The following WASF1 variants were observed in gnomAD, a reference collection of about 807,000 sequenced individuals.
WASF1 encodes the protein WASP family member 1.
In WASF1, 7 loss-of-function variants were observed where a neutral mutation model predicts 50.5. The ratio of observed to expected loss-of-function variants is 0.14; its 90% confidence interval spans 0.08 to 0.26. The LOEUF (loss-of-function observed/expected upper bound fraction) is 0.26. Among genes scored for constraint, WASF1 ranks in the 10% least tolerant of loss-of-function variants. The pLI is 1.00. For synonymous variants in WASF1, 205 were observed against 244.0 expected, an observed-to-expected ratio of 0.84 and a Z score of 1.49; for missense variants, 470 against 694.7, an observed-to-expected ratio of 0.68 and a Z score of 3.64.
At chr6:110,124,272 C>A (rs867584831) in intron 4 of WASF1, among the ~76,000 whole-genome samples, 436 of 42,306 alleles carry the variant, frequency 0.01, 1 homozygote, top group Non-Finnish European at 0.013. Context: ...CTCTCTCTCT[C>A]TCTATATATA....
chr6:110,118,661 C>T (rs1208818028), intron 4 of WASF1, among the ~76,000 whole-genome samples: 1 of 152,108 alleles, frequency 6.6e-6, no homozygotes, highest in Non-Finnish European at 1.5e-5. Context: ...CAAAGATATC[C>T]AGGACTTGAA....
chr6:110,115,849 G>GT (rs1773780554), intron 4 of WASF1, among the ~76,000 whole-genome samples: 1 of 152,294 alleles, frequency 6.6e-6, no homozygotes, highest in East Asian at 1.9e-4. Context: ...ACCTCACAGG[G>GT]TTTTTAACAG....
intron 1 of WASF1, 96 bp downstream of exon 1, chr6:110,179,343 C>CCA (rs1259463716): frequency 6.6e-6 from 1 of 152,328 alleles, no homozygotes; most frequent in East Asian, 1.9e-4. Flanking sequence ...CCTTTGCGGG[C>CCA]CACACACCAC....
chr6:110,133,819 G>A lies in WASF1; in HGVS notation c.-28-6190C>T, dbSNP rs1308561470. ...GTGTGAAGATTTTCTCCTATTCTGT[G>A]GGTTGTCTGTTTACTTTGCTGCTGT... On this transcript the variant is annotated intron_variant, in intron 3 of 10. Coordinates refer to ENST00000392589, the MANE Select transcript of WASF1 (RefSeq NM_003931.3). Among the ~76,000 whole-genome samples, 3 of 151,844 alleles carry A rather than the reference G, an allele frequency of 2.0e-5. No homozygotes were observed. The East Asian group carries it at 5.8e-4, about 29-fold the overall frequency.
chr6:110,129,029 A>T (rs1774542998), intron 3 of WASF1, among the ~76,000 whole-genome samples: 1 of 151,968 alleles, frequency 6.6e-6, no homozygotes, highest in Non-Finnish European at 1.5e-5. Context: ...TCTTCCACGA[A>T]ACTAGTCCCT....
chr6:110,130,317 C>CA (rs1774606553), intron 3 of WASF1, among the ~76,000 whole-genome samples: 2 of 152,288 alleles, frequency 1.3e-5, no homozygotes, highest in South Asian at 4.2e-4. Context: ...AGAACCCGTC[C>CA]ACTTTGGTCC....
At position 110,140,826 on chromosome 6, in the gene WASF1, T is replaced by C. The variant is rs1048606714; in HGVS notation, c.-28-13197A>G. 1.8e-4 allele frequency among the ~76,000 whole-genome samples: 28 copies of C among 152,240 alleles called. 2 individuals carry two copies. Among genetic ancestry groups the C allele is most frequent in the African/African-American group, 5.8e-4 (24 of 41,526 alleles). On this transcript the variant is annotated intron_variant, in intron 3 of 10. Transcript: ENST00000392589. ...ATCAGATGAAATGAGGTGAATGACA[T>C]AGCTACTGTGACATAGTGTTAAGCT...
chr6:110,166,883 A>AT (rs1776499689), intron 2 of WASF1, among the ~76,000 whole-genome samples: 1 of 151,932 alleles, frequency 6.6e-6, no homozygotes, highest in South Asian at 2.1e-4. Flanking sequence ...AAAAATGTTT[A>AT]TTTTTTTGTG....
intron 4 of WASF1, among the ~76,000 whole-genome samples, chr6:110,117,695 C>T (rs1183774579): frequency 6.6e-6 from 1 of 151,882 alleles, no homozygotes; most frequent in Non-Finnish European, 1.5e-5. Context: ...AAGAGCAACC[C>T]CAAGACACAT....
intron 3 of WASF1, among the ~76,000 whole-genome samples, chr6:110,154,590 CCATT>C (rs770427268): frequency 1.3e-5 from 2 of 151,876 alleles, no homozygotes; most frequent in East Asian, 1.9e-4. Context: ...CACAATTTAC[CCATT>C]ATTATAAACA....
At chr6:110,105,706 G>A in intron 7 of WASF1, 127 bp from the exon 8 acceptor site, 1 of 891,618 alleles carries the variant, frequency 1.1e-6, no homozygotes, top group Non-Finnish European at 1.7e-6. Context: ...TATAGTAAAA[G>A]TAACACAGAA....
intron 3 of WASF1, among the ~76,000 whole-genome samples, chr6:110,149,484 TAAAAAAAAA>T (rs71729607): frequency 9.7e-6 from 1 of 103,278 alleles, no homozygotes. Flanking sequence ...GACTCTGTCT[TAAAAAAAAA>T]AAAAAAAAAG....
chr6:110,104,574 A>G (rs1773235316), intron 8 of WASF1, among the ~76,000 whole-genome samples: 1 of 152,136 alleles, frequency 6.6e-6, no homozygotes, highest in South Asian at 2.1e-4. Flanking sequence ...AGATCACTTG[A>G]GGTCATGAGT....
chr6:110,124,415 T>TA (rs1480981480), intron 4 of WASF1, among the ~76,000 whole-genome samples: 4 of 149,924 alleles, frequency 2.7e-5, no homozygotes, highest in Admixed American at 6.7e-5. Context: ...CATTCACTCT[T>TA]AGAGTATCTG....
intron 4 of WASF1, among the ~76,000 whole-genome samples, chr6:110,121,110 T>C (rs1294582595): frequency 2.0e-5 from 3 of 152,120 alleles, no homozygotes; most frequent in African/African-American, 7.2e-5. Context: ...GCAATACCAT[T>C]CAGGACATAG....
chr6:110,129,840 A>C (rs1774582296), intron 3 of WASF1, among the ~76,000 whole-genome samples: 1 of 152,202 alleles, frequency 6.6e-6, no homozygotes, highest in South Asian at 2.1e-4. Flanking sequence ...ACAATAGAAG[A>C]GGTTTTACTG....
chr6:110,165,356 A>T (rs1776430887), intron 2 of WASF1, among the ~76,000 whole-genome samples: 1 of 151,688 alleles, frequency 6.6e-6, no homozygotes, highest in Non-Finnish European at 1.5e-5. Context: ...AAATAAAAGT[A>T]TCTTAAAAAA....
At chr6:110,174,403 T>C (rs551862363) in intron 2 of WASF1, among the ~76,000 whole-genome samples, 3 of 152,306 alleles carry the variant, frequency 2.0e-5, no homozygotes, top group Admixed American at 1.3e-4. Context: ...GTGCTGATTA[T>C]GAACTATGAA....
Position 110,103,549 on chromosome 6 carries a change from G to A in WASF1, c.722C>T (p.Thr241Ile), listed in dbSNP as rs2114451236. ...AGATCCATCCATATGATCCACGTAT[G>A]TCTGAGGTCTAAAAGAAATATATAG... Reference protein sequence around the residue: ...PASHFETRPQTYVDHMDGSYS... With the variant: ...PASHFETRPQIYVDHMDGSYS... Residue 241 changes from threonine (T) to isoleucine (I), a missense_variant, in exon 9 of 11, where the codon ACA becomes ATA. This residue lies in a region of WASF1 where 294 missense variants were observed against 343.5 expected (regional missense o/e 0.86). Transcript: ENST00000392589. 3 of 1,609,932 alleles carry A rather than the reference G, an allele frequency of 1.9e-6. No individual in the cohort carries two copies. The highest frequency in any genetic ancestry group is 2.5e-6 in the Non-Finnish European group (3 of 1,177,414).
Sources: allele counts gnomAD v4.1 joint callset (sites outside exome capture counted in the v4.1 genomes callset), GRCh38; gene constraint gnomAD v4.1.1; regional missense constraint gnomAD v4.1.1; transcripts MANE v1.5; gene names NCBI Gene and HGNC (gene_info 2026-07-23, HGNC 2026-07-21).